Variants in ERBB4 observed in about 807,000 individuals in gnomAD.
The protein encoded by ERBB4 is erb-b2 receptor tyrosine kinase 4, also known as receptor tyrosine-protein kinase erbB-4.
In ERBB4, 42 loss-of-function variants were observed where a neutral mutation model predicts 158.0. The observed-to-expected ratio is 0.27, with a 90% CI of 0.21 to 0.34. The LOEUF (loss-of-function observed/expected upper bound fraction) is 0.34, where lower values mean the gene tolerates loss of function less well. ERBB4 is among the 10% of genes least tolerant of loss of function. ERBB4 has a pLI of 1.00. For synonymous variants in ERBB4, 583 were observed against 558.7 expected, an observed-to-expected ratio of 1.04 and a Z score of -0.61; for missense variants, 1,333 against 1,624.1, an observed-to-expected ratio of 0.82 and a Z score of 3.08.
chr2:211,750,010 G>GA (rs535359463), intron 5 of ERBB4, among the ~76,000 whole-genome samples: 15 of 149,874 alleles, frequency 1.0e-4, no homozygotes, highest in East Asian at 9.7e-4. Context: ...TAAGAATGCT[G>GA]AAAAAAAAAT....
intron 1 of ERBB4, among the ~76,000 whole-genome samples, chr2:212,335,438 AT>A (rs2088387735): frequency 1.3e-5 from 2 of 152,094 alleles, no homozygotes; most frequent in South Asian, 4.1e-4. Context: ...AATTAGGGTA[AT>A]TTTTTTAATT....
intron 17 of ERBB4, among the ~76,000 whole-genome samples, chr2:211,624,536 T>G (rs1431769201): frequency 6.6e-6 from 1 of 152,170 alleles, no homozygotes. Context: ...CCTGAAATGT[T>G]TGCATTTGCA....
intron 1 of ERBB4, among the ~76,000 whole-genome samples, chr2:212,518,877 G>T: frequency 6.6e-6 from 1 of 151,920 alleles, no homozygotes; most frequent in Admixed American, 6.6e-5. Context: ...CAGGTCTGGG[G>T]ACCTGAATAG....
At chr2:211,995,059 A>G (rs1487915358) in intron 2 of ERBB4, among the ~76,000 whole-genome samples, 1 of 152,198 alleles carries the variant, frequency 6.6e-6, no homozygotes, top group East Asian at 1.9e-4. Flanking sequence ...GAACACAACA[A>G]AAAACCCTGA....
At chr2:211,914,539 T>C (rs1380558481) in intron 3 of ERBB4, among the ~76,000 whole-genome samples, 1 of 152,214 alleles carries the variant, frequency 6.6e-6, no homozygotes, top group Middle Eastern at 3.4e-3. Context: ...TGTCCAGAGA[T>C]GGAGATAAAT....
At chr2:212,227,582 T>A (rs545672389) in intron 1 of ERBB4, among the ~76,000 whole-genome samples, 89 of 152,270 alleles carry the variant, frequency 5.8e-4, no homozygotes, top group Non-Finnish European at 6.0e-4. Context: ...GCTTTCTTAC[T>A]CCTTTTTTCT....
intron 3 of ERBB4, among the ~76,000 whole-genome samples, chr2:211,924,007 C>T (rs1484722872): frequency 6.6e-6 from 1 of 152,128 alleles, no homozygotes; most frequent in East Asian, 1.9e-4. Context: ...CAGGTGTGAG[C>T]CACCATGCCC....
chr2:212,217,576 T>C (rs79559766), intron 1 of ERBB4, among the ~76,000 whole-genome samples: 9,514 of 151,190 alleles, frequency 0.063, 356 homozygotes, highest in Non-Finnish European at 0.082. Flanking sequence ...ACAACATATG[T>C]TTGAGTACCA....
At chr2:211,901,200 G>A (rs1463432709) in intron 3 of ERBB4, among the ~76,000 whole-genome samples, 1 of 152,082 alleles carries the variant, frequency 6.6e-6, no homozygotes, top group Non-Finnish European at 1.5e-5. Flanking sequence ...TCTTAGGTCT[G>A]TTTTTGTGAG....
intron 1 of ERBB4, among the ~76,000 whole-genome samples, chr2:212,227,286 G>A (rs1415785527): frequency 6.6e-6 from 1 of 150,922 alleles, no homozygotes; most frequent in Admixed American, 6.6e-5. Flanking sequence ...GAGATTACAA[G>A]CAGCAATAAG....
intron 1 of ERBB4, among the ~76,000 whole-genome samples, chr2:212,287,554 C>G (rs748555300): frequency 6.6e-6 from 1 of 152,204 alleles, no homozygotes; most frequent in Middle Eastern, 3.4e-3. Context: ...GGTAACCTAA[C>G]AGGCTTCATC....
At chr2:211,863,429 C>A (rs1287992130) in intron 3 of ERBB4, among the ~76,000 whole-genome samples, 1 of 152,220 alleles carries the variant, frequency 6.6e-6, no homozygotes, top group Non-Finnish European at 1.5e-5. Flanking sequence ...TTCTGCTCTT[C>A]ACAATAAATC....
In ERBB4 at chr2:212,357,309, TTAAGA is replaced by T. The variant is rs1451147776; in HGVS notation, c.82+181135_82+181139del. On this transcript the variant is annotated intron_variant, in intron 1 of 27. Transcript: ENST00000342788. ...TCCTTTAGATGGTGTCCTCATATTA[TTAAGA>T]TAAATTAGTCCAATTTATCAAAGAA... Among the ~76,000 whole-genome samples, 6 of 151,908 alleles carry T rather than the reference TTAAGA, an allele frequency of 3.9e-5. No individual in the cohort carries two copies. In the East Asian group the frequency reaches 1.2e-3, roughly 29 times the overall value.
intron 1 of ERBB4, among the ~76,000 whole-genome samples, chr2:212,158,211 G>T (rs2081098561): frequency 1.3e-5 from 2 of 151,944 alleles, no homozygotes; most frequent in South Asian, 4.1e-4. Flanking sequence ...GATAGCAAAT[G>T]CAAAAATAGA....
At position 212,079,813 on chromosome 2, in the gene ERBB4, T is replaced by A. The variant is rs546619568; in HGVS notation, c.234+44939A>T. Among the ~76,000 whole-genome samples the A allele has an allele frequency of 7.2e-5, 11 of 152,254 alleles. No homozygotes were observed. In the East Asian group the frequency reaches 2.1e-3, roughly 29 times the overall value. ...CTTTCATAATGGTGTTCAGATTTCCTGTTTCTTCTTTCTTTGATAGTGCAA... is the reference window on the plus strand; with the variant it reads ...CTTTCATAATGGTGTTCAGATTTCCAGTTTCTTCTTTCTTTGATAGTGCAA... On this transcript the variant is annotated intron_variant, in intron 2 of 27. Coordinates refer to ENST00000342788, the MANE Select transcript of ERBB4 (RefSeq NM_005235.3).
intron 1 of ERBB4, among the ~76,000 whole-genome samples, chr2:212,284,433 A>T (rs916883531): frequency 6.6e-6 from 1 of 152,008 alleles, no homozygotes; most frequent in Non-Finnish European, 1.5e-5. Context: ...TTACCAGCCT[A>T]ATTTTGTTTG....
chr2:212,493,847 A>G lies in ERBB4; in HGVS notation c.82+44602T>C, dbSNP rs550605866. 3.3e-5 allele frequency among the ~76,000 whole-genome samples: 5 copies of G among 151,944 alleles called. No individual in the cohort carries two copies. In the South Asian group the frequency reaches 1.0e-3, roughly 31 times the overall value. On this transcript the variant is annotated intron_variant, in intron 1 of 27. Coordinates refer to ENST00000342788, the MANE Select transcript of ERBB4 (RefSeq NM_005235.3). ...TCGATTACTCTCTTCAGTCTGAATA[A>G]GCCCATTTAACTTTGGACTTTTTAC...
intron 1 of ERBB4, among the ~76,000 whole-genome samples, chr2:212,237,286 T>G (rs73062462): frequency 2.0e-5 from 3 of 152,326 alleles, no homozygotes; most frequent in Admixed American, 2.0e-4. Flanking sequence ...TTGTTGATGT[T>G]GACGCTATTC....
intron 18 of ERBB4, among the ~76,000 whole-genome samples, chr2:211,621,700 C>T (rs1161617142): frequency 6.6e-6 from 1 of 152,114 alleles, no homozygotes; most frequent in East Asian, 1.9e-4. Context: ...TGATTATACT[C>T]TAGGAACAAT....
Sources: gnomAD v4.1 joint callset for allele counts (sites outside exome capture counted in the v4.1 genomes callset) on GRCh38, gnomAD v4.1.1 for gene constraint, MANE v1.5 for transcripts, NCBI Gene and HGNC (gene_info 2026-07-23, HGNC 2026-07-21) for gene names.